SLC35E4: variants seen among roughly 807,000 people sequenced by gnomAD.
The protein encoded by SLC35E4 is solute carrier family 35 member E4.
In SLC35E4, 15 loss-of-function variants were observed where a neutral mutation model predicts 19.3. The ratio of observed to expected loss-of-function variants is 0.78; its 90% CI spans 0.52 to 1.20. The LOEUF (loss-of-function observed/expected upper bound fraction) is 1.20, where lower values mean the gene tolerates loss of function less well. Ranked by LOEUF, SLC35E4 falls within the 50% of genes most tolerant of loss-of-function variation. The pLI, the probability that SLC35E4 is intolerant of heterozygous loss-of-function variation, is 0.00. For missense variants in SLC35E4, 406 were observed against 472.3 expected, an observed-to-expected ratio of 0.86 and a Z score of 1.30; for synonymous variants, 219 against 219.9, an observed-to-expected ratio of 1.00 and a Z score of 0.04.
chr22:30,640,772 T>G (rs1179172340), intron 1 of SLC35E4, among the ~76,000 whole-genome samples: 1 of 152,122 alleles, frequency 6.6e-6, no homozygotes, highest in Non-Finnish European at 1.5e-5. Flanking sequence ...CATCTGTCAG[T>G]GGAGGAGAGT....
intron 1 of SLC35E4, among the ~76,000 whole-genome samples, chr22:30,637,630 T>C (rs534882594): frequency 1.3e-5 from 2 of 152,270 alleles, no homozygotes; most frequent in Admixed American, 1.3e-4. Context: ...TCCTCAGCGA[T>C]CTTCCCCCCT....
intron 1 of SLC35E4, 57 bp downstream of exon 1, chr22:30,637,126 G>C (rs1208064337): frequency 1.5e-5 from 23 of 1,518,104 alleles, no homozygotes; most frequent in Admixed American, 4.3e-5. Flanking sequence ...GCATGGCCTG[G>C]ATGGCCCTGT....
chr22:30,636,865 G>T lies in SLC35E4; in HGVS notation c.415G>T (p.Val139Phe). ...TGTGCCCCTGGACCTGGCACAACTG[G>T]TTACTACCACCACACCTCTGTTCAC... is the stretch of plus-strand genomic sequence containing the variant. ...RAVPLDLAQL[V>F]TTTTPLFTLA... Residue 139 changes from valine to phenylalanine, a missense_variant, in exon 1 of 2, where the codon GTT (valine) becomes TTT (phenylalanine). Coordinates refer to ENST00000343605, the MANE Select transcript of SLC35E4 (RefSeq NM_001001479.4). 1 of 1,613,012 alleles carries T rather than the reference G, an allele frequency of 6.2e-7. No individual in the cohort carries two copies. The highest frequency in any genetic ancestry group is 8.5e-7 in the Non-Finnish European group (1 of 1,179,622).
intron 2 of SLC35E4, among the ~76,000 whole-genome samples, chr22:30,655,169 C>G (rs958030248): frequency 1.3e-5 from 2 of 151,858 alleles, no homozygotes; most frequent in African/African-American, 2.4e-5. Context: ...CCACAAGAAG[C>G]CAGCAGCCAG....
chr22:30,644,618 C>T (rs1390367346), intron 1 of SLC35E4, among the ~76,000 whole-genome samples: 2 of 152,130 alleles, frequency 1.3e-5, no homozygotes, highest in Admixed American at 1.3e-4. Flanking sequence ...ATGGTGCATG[C>T]CTGTAGCCCC....
chr22:30,637,017 T>C lies in SLC35E4; in HGVS notation c.567T>C (p.Cys189=), dbSNP rs138022967. 1 of 1,596,370 alleles carries C rather than the reference T, an allele frequency of 6.3e-7. No individual in the cohort carries two copies. Among genetic ancestry groups the C allele is most frequent in the Non-Finnish European group, 8.6e-7 (1 of 1,168,492 alleles). ...AGEFRTPPTG[C]GFLLAATCLR... ...AGTTCCGGACACCCCCTACCGGCTG[T>C]GGCTTCCTGCTCGCAGCCACCTGCC... is the stretch of plus-strand genomic sequence containing the variant. The change falls in exon 1 of 2, where the codon TGT becomes TGC. Residue 189 remains cysteine, a synonymous_variant. Transcript: ENST00000343605.
At chr22:30,651,187 A>G (rs1414815897), downstream of SLC35E4, among the ~76,000 whole-genome samples, 1 of 151,216 alleles carries the variant, frequency 6.6e-6, no homozygotes, top group Non-Finnish European at 1.5e-5. Flanking sequence ...GTTTTGAGCC[A>G]TGATCTTTTA....
intron 1 of SLC35E4, among the ~76,000 whole-genome samples, chr22:30,642,261 C>T (rs1258364846): frequency 6.6e-6 from 1 of 152,062 alleles, no homozygotes; most frequent in Non-Finnish European, 1.5e-5. Context: ...TTACCCACCT[C>T]GGCCTAAAGT....
chr22:30,645,463 C>T (rs1009920550), intron 1 of SLC35E4, among the ~76,000 whole-genome samples: 15 of 151,948 alleles, frequency 9.9e-5, no homozygotes, highest in African/African-American at 3.6e-4. Flanking sequence ...GTTGTGGTGG[C>T]GCATGCCTGT....
exon 3 of SLC35E4, chr22:30,662,157 G>A (rs1437452493): frequency 2.0e-5 from 3 of 151,998 alleles, no homozygotes; most frequent in Admixed American, 1.3e-4. Flanking sequence ...GGGACCAGCA[G>A]GGTGAAAGAG....
At chr22:30,658,959 A>G (rs2088401573) in intron 2 of SLC35E4, among the ~76,000 whole-genome samples, 1 of 151,974 alleles carries the variant, frequency 6.6e-6, no homozygotes, top group Non-Finnish European at 1.5e-5. Context: ...CCTGGCTAAC[A>G]TGGCGAAACC....
intron 1 of SLC35E4, among the ~76,000 whole-genome samples, chr22:30,639,167 T>G (rs1355680074): frequency 1.3e-5 from 2 of 152,126 alleles, no homozygotes; most frequent in African/African-American, 4.8e-5. Flanking sequence ...GGGAGAAATT[T>G]TAAAGCTGGG....
chr22:30,662,837 A>C (rs1216618584), exon 3 of SLC35E4: 2 of 151,974 alleles, frequency 1.3e-5, no homozygotes, highest in Non-Finnish European at 2.9e-5. Context: ...AAAAAAAGAC[A>C]AAAAAAAATT....
At chr22:30,661,168 G>A (rs921191051) in intron 2 of SLC35E4, among the ~76,000 whole-genome samples, 11 of 152,002 alleles carry the variant, frequency 7.2e-5, no homozygotes, top group African/African-American at 2.7e-4. Flanking sequence ...TACTAATAAT[G>A]AGCAATTGGA....
intron 2 of SLC35E4, among the ~76,000 whole-genome samples, chr22:30,659,618 A>C (rs1456959947): frequency 2.0e-5 from 3 of 152,292 alleles, no homozygotes; most frequent in East Asian, 3.9e-4. Context: ...GTGATCCACC[A>C]GCCTCAACCT....
At chr22:30,658,700 T>A (rs566741582) in intron 2 of SLC35E4, among the ~76,000 whole-genome samples, 1 of 152,114 alleles carries the variant, frequency 6.6e-6, no homozygotes, top group East Asian at 1.9e-4. Context: ...AAGTTGCACA[T>A]GAATTTGTAG....
downstream of SLC35E4, chr22:30,663,591 C>T (rs368354166): frequency 2.5e-6 from 4 of 1,614,194 alleles, no homozygotes; most frequent in South Asian, 1.1e-5. Flanking sequence ...GATGATGGGC[C>T]GGCATGACTT....
chr22:30,668,776 C>G (rs1261946375), exon 3 of SLC35E4: 1 of 152,272 alleles, frequency 6.6e-6, no homozygotes, highest in Non-Finnish European at 1.5e-5. Context: ...TACCCACGCT[C>G]CTTTCCATTC....
Position 30,636,266 on chromosome 22 carries a change from AAC to A in SLC35E4, c.-181_-180del. 2.3e-6 allele frequency: 2 copies of A among 882,652 alleles called. No individual in the cohort carries two copies. Among genetic ancestry groups the A allele is most frequent in the Non-Finnish European group, 3.3e-6 (2 of 613,838 alleles). 54.7% of individuals were successfully genotyped at this position (882,652 alleles called of 1,614,324 possible). On this transcript the variant is annotated 5_prime_UTR_variant, in exon 1 of 2. Coordinates refer to ENST00000343605, the MANE Select transcript of SLC35E4 (RefSeq NM_001001479.4). ...TTGGCTCTGCCCTGTCTGAGCTGGA[AAC>A]ACAGCTTAGCTTCTAGACATCGCTG...
Sources: gnomAD v4.1 joint callset for allele counts (sites outside exome capture counted in the v4.1 genomes callset) on GRCh38, gnomAD v4.1.1 for gene constraint, MANE v1.5 for transcripts, NCBI Gene and HGNC (gene_info 2026-07-23, HGNC 2026-07-21) for gene names.